AVL9: variants seen among roughly 807,000 people sequenced by gnomAD.
AVL9 encodes the protein AVL9 cell migration associated.
Under a neutral mutation model 79.2 loss-of-function variants are expected in AVL9, and 49 were observed. The ratio of observed to expected loss-of-function variants is 0.62; its 90% CI spans 0.49 to 0.79. The LOEUF is 0.79. Among genes scored for constraint, AVL9 ranks in the 30% least tolerant of loss-of-function variants. The probability of loss-of-function intolerance (pLI) is 0.00; values close to 1 mark genes in which losing one functional copy is unlikely to be tolerated. For missense variants in AVL9, 682 were observed against 776.8 expected (o/e 0.88, Z 1.45); for synonymous variants, 299 against 280.6 (o/e 1.07, Z -0.65).
At chr7:32,505,297 G>A (rs913812455) in intron 1 of AVL9, among the ~76,000 whole-genome samples, 25 of 151,676 alleles carry the variant, frequency 1.6e-4, no homozygotes, top group Non-Finnish European at 3.2e-4. Flanking sequence ...AGGCCAAGGC[G>A]GGCAGATCAC....
chr7:32,569,986 T>C (rs113119964), intron 10 of AVL9, 34 bp from the exon 11 acceptor site: 1 of 1,609,336 alleles, frequency 6.2e-7, no homozygotes, highest in Admixed American at 1.7e-5. Flanking sequence ...CCTTTTACTT[T>C]TCTGATATTT....
intron 12 of AVL9, among the ~76,000 whole-genome samples, chr7:32,575,628 T>C (rs1180151882): frequency 6.6e-6 from 1 of 152,224 alleles, no homozygotes; most frequent in African/African-American, 2.4e-5. Flanking sequence ...AGTTTTTGAT[T>C]AATTAATACT....
At chr7:32,554,127 A>G (rs907826030) in intron 7 of AVL9, among the ~76,000 whole-genome samples, 1 of 152,192 alleles carries the variant, frequency 6.6e-6, no homozygotes, top group Non-Finnish European at 1.5e-5. Flanking sequence ...GCATTTTTCA[A>G]TAAAACATCT....
At chr7:32,534,415 CAG>C (rs1333913401) in intron 1 of AVL9, 6 of 150,780 alleles carry the variant, frequency 4.0e-5, no homozygotes, top group African/African-American at 7.3e-5. Context: ...GAAAAGCAAA[CAG>C]AAGTTTATTA....
intron 3 of AVL9, among the ~76,000 whole-genome samples, chr7:32,548,327 T>C (rs1189147438): frequency 3.3e-5 from 5 of 152,130 alleles, no homozygotes; most frequent in South Asian, 2.1e-4. Flanking sequence ...TCTGTATTTT[T>C]AGTAGAGATG....
Position 32,587,472 on chromosome 7 carries a change from C to G in AVL9, c.*3565C>G, listed in dbSNP as rs1029006531. 6.6e-6 allele frequency: 1 copy of G among 152,240 alleles called. No homozygotes were observed. The highest frequency in any genetic ancestry group is 6.5e-5 in the Admixed American group (1 of 15,284). The allele number at this position is 152,240 out of a possible 1,614,324, so 9.4% of individuals were successfully genotyped here. On this transcript the variant is annotated 3_prime_UTR_variant, in exon 16 of 16. Transcript: ENST00000318709. ...GCCAGTGATGAGTGTGGGAGCACTT[C>G]AGCTCTGTAAGGGGCCAGCGTTCTG... is the stretch of plus-strand genomic sequence containing the variant.
chr7:32,548,518 C>T (rs1050448009), intron 3 of AVL9, among the ~76,000 whole-genome samples: 1 of 152,168 alleles, frequency 6.6e-6, no homozygotes, highest in Non-Finnish European at 1.5e-5. Context: ...CCATTTATAA[C>T]CAGAATCAAC....
At chr7:32,566,262 C>G (rs1303679040) in intron 10 of AVL9, among the ~76,000 whole-genome samples, 1 of 138,888 alleles carries the variant, frequency 7.2e-6, no homozygotes, top group Non-Finnish European at 1.5e-5. Flanking sequence ...CTGCAACCTC[C>G]ACCTCCTGTG....
rs1000153451 is a variant in AVL9 at position 32,584,106 on chromosome 7, G to A, written c.*199G>A. On this transcript the variant is annotated 3_prime_UTR_variant, in exon 16 of 16. Coordinates refer to ENST00000318709, the MANE Select transcript of AVL9 (RefSeq NM_015060.3). ...CATAGCAGGGATGGCTTTCCAGGTT[G>A]GGGTTTCAATTGACTACTTTTATTT... 2.7e-5 allele frequency: 17 copies of A among 624,214 alleles called. No homozygotes were observed. The highest frequency in any genetic ancestry group is 4.1e-5 in the Non-Finnish European group (14 of 337,638). 38.7% of individuals were successfully genotyped at this position (624,214 alleles called of 1,614,324 possible).
chr7:32,501,824 A>G (rs1392311755), intron 1 of AVL9, among the ~76,000 whole-genome samples: 1 of 152,178 alleles, frequency 6.6e-6, no homozygotes, highest in Non-Finnish European at 1.5e-5. Context: ...TGCTGAATGT[A>G]GATTTTTGCT....
At chr7:32,574,243 A>ACCAC (rs1790984942) in intron 12 of AVL9, among the ~76,000 whole-genome samples, 1 of 151,150 alleles carries the variant, frequency 6.6e-6, no homozygotes, top group Non-Finnish European at 1.5e-5. Flanking sequence ...TTTTTAATCA[A>ACCAC]CACCACCACC....
chr7:32,543,699 G>A (rs1319497378), intron 2 of AVL9, among the ~76,000 whole-genome samples: 1 of 152,216 alleles, frequency 6.6e-6, no homozygotes, highest in East Asian at 1.9e-4. Flanking sequence ...GCTGTCACAA[G>A]TACTCTGCTT....
rs1216260320 is a variant in AVL9, at chr7:32,585,982, A to G, written c.*2075A>G. On this transcript the variant is annotated 3_prime_UTR_variant, in exon 16 of 16. Coordinates refer to ENST00000318709, the MANE Select transcript of AVL9 (RefSeq NM_015060.3). ...GATTTGTGTACAATTGTTACCTCTC[A>G]GCTGCTGAAGTTCACACTTCAAGGA... The G allele has an allele frequency of 6.6e-6, 1 of 152,180 alleles. No individual in the cohort carries two copies. The highest frequency in any genetic ancestry group is 2.4e-5 in the African/African-American group (1 of 41,452). 9.4% of individuals were successfully genotyped at this position (152,180 alleles called of 1,614,324 possible).
At chr7:32,501,919 C>T (rs1283636875) in intron 1 of AVL9, among the ~76,000 whole-genome samples, 1 of 152,112 alleles carries the variant, frequency 6.6e-6, no homozygotes, top group Non-Finnish European at 1.5e-5. Flanking sequence ...GCCTACTTAC[C>T]TACTTAATTT....
At chr7:32,578,744 T>C (rs1470629774) in intron 13 of AVL9, among the ~76,000 whole-genome samples, 2 of 152,056 alleles carry the variant, frequency 1.3e-5, no homozygotes, top group Non-Finnish European at 2.9e-5. Context: ...GGGAGGCAGG[T>C]TGCAGTGAGC....
intron 1 of AVL9, among the ~76,000 whole-genome samples, chr7:32,525,920 G>A (rs1010550638): frequency 2.6e-5 from 4 of 152,156 alleles, no homozygotes; most frequent in Admixed American, 1.3e-4. Flanking sequence ...GATAATTTAG[G>A]CATGCGGATA....
chr7:32,527,479 A>T (rs755359483), intron 1 of AVL9, among the ~76,000 whole-genome samples: 1 of 152,174 alleles, frequency 6.6e-6, no homozygotes, highest in Non-Finnish European at 1.5e-5. Context: ...CTCAGTGCAT[A>T]CAAGTTAAAA....
chr7:32,579,084 G>A (rs1275744255), intron 13 of AVL9, among the ~76,000 whole-genome samples: 1 of 151,236 alleles, frequency 6.6e-6, no homozygotes, highest in East Asian at 1.9e-4. Flanking sequence ...GGGCCATGAA[G>A]AGTAGTTTGT....
intron 8 of AVL9, among the ~76,000 whole-genome samples, chr7:32,558,076 G>C (rs901908909): frequency 3.3e-5 from 5 of 150,912 alleles, no homozygotes; most frequent in Non-Finnish European, 7.4e-5. Context: ...GGCTGGTCTC[G>C]ATCTCCTGAC....
Sources: gnomAD v4.1 joint callset for allele counts (sites outside exome capture counted in the v4.1 genomes callset) on GRCh38, gnomAD v4.1.1 for gene constraint, MANE v1.5 for transcripts, NCBI Gene and HGNC (gene_info 2026-07-23, HGNC 2026-07-21) for gene names.